The following PDE1A variants were observed in gnomAD, a reference collection of about 807,000 sequenced individuals.
PDE1A encodes phosphodiesterase 1A.
PDE1A carries 35 observed loss-of-function variants against 61.7 expected under a neutral mutation model. The observed-to-expected ratio is 0.57, with a 90% CI of 0.43 to 0.75. The LOEUF (loss-of-function observed/expected upper bound fraction) is 0.75. Ranked by LOEUF, PDE1A falls within the 30% of genes least tolerant of loss-of-function variation. The probability of loss-of-function intolerance (pLI) is 0.00; values close to 1 mark genes in which losing one functional copy is unlikely to be tolerated. For synonymous variants in PDE1A, 232 were observed against 213.2 expected (o/e 1.09, Z -0.77); for missense variants, 597 against 630.6 (o/e 0.95, Z 0.57).
chr2:182,214,540 C>T (rs370533219), intron 7 of PDE1A, among the ~76,000 whole-genome samples: 1 of 151,778 alleles, frequency 6.6e-6, no homozygotes, highest in Non-Finnish European at 1.5e-5. Flanking sequence ...CAGAGACACA[C>T]ATAGGCTCAA....
chr2:182,163,068 G>A (rs73040186), downstream of PDE1A, among the ~76,000 whole-genome samples: 1,137 of 152,244 alleles, frequency 7.5e-3, 13 homozygotes, highest in African/African-American at 0.025. Flanking sequence ...CAGAGGTGGT[G>A]ATTTTCACCA....
the PDE1A span, among the ~76,000 whole-genome samples, chr2:182,658,047 T>TAAAAAAAAAAAAAAAAA: frequency 1.4e-4 from 9 of 66,664 alleles, no homozygotes; most frequent in Admixed American, 3.9e-4. Flanking sequence ...AGCTTCTCAG[T>TAAAAAAAAAAAAAAAAA]AAAAAAAAAA....
intron 2 of PDE1A, among the ~76,000 whole-genome samples, chr2:182,445,226 A>C (rs1685056411): frequency 6.6e-6 from 1 of 152,144 alleles, no homozygotes; most frequent in Non-Finnish European, 1.5e-5. Context: ...TCCAAAAGAC[A>C]ATGAGGAATT....
At chr2:182,522,152 T>C (rs1290991711) in intron 2 of PDE1A, 2 of 749,184 alleles carry the variant, frequency 2.7e-6, no homozygotes, top group Non-Finnish European at 4.4e-6. Flanking sequence ...GGTAGGCACA[T>C]TTTATTTTTC....
At chr2:182,575,759 AATAAT>A in the PDE1A span, among the ~76,000 whole-genome samples, 1 of 146,430 alleles carries the variant, frequency 6.8e-6, no homozygotes, top group Non-Finnish European at 1.5e-5. Context: ...ATATAGTATT[AATAAT>A]ATATTATATA....
At chr2:182,658,484 T>G in the PDE1A span, among the ~76,000 whole-genome samples, 6 of 152,240 alleles carry the variant, frequency 3.9e-5, no homozygotes, top group African/African-American at 1.2e-4. Flanking sequence ...GTTTCAAAAC[T>G]AAGGTCACAT....
At chr2:182,582,801 C>A in the PDE1A span, among the ~76,000 whole-genome samples, 2 of 152,172 alleles carry the variant, frequency 1.3e-5, no homozygotes, top group Non-Finnish European at 1.5e-5. Context: ...TGGAAAAACA[C>A]TAGTGACCAT....
At chr2:182,564,014 C>T in the PDE1A span, among the ~76,000 whole-genome samples, 1 of 152,116 alleles carries the variant, frequency 6.6e-6, no homozygotes, top group South Asian at 2.1e-4. Context: ...ATCCAATTTG[C>T]CAGTCTGTGT....
chr2:182,575,662 C>G, the PDE1A span, among the ~76,000 whole-genome samples: 1 of 148,776 alleles, frequency 6.7e-6, no homozygotes, highest in Non-Finnish European at 1.5e-5. Context: ...GGTCTTAGTT[C>G]CAGGGGAGGA....
intron 1 of PDE1A, among the ~76,000 whole-genome samples, chr2:182,377,185 G>A (rs1014689934): frequency 6.6e-6 from 1 of 152,114 alleles, no homozygotes; most frequent in African/African-American, 2.4e-5. Context: ...GCTGGAAGTG[G>A]GGCCTAGTGA....
rs111782621 is a variant in PDE1A, at chr2:182,451,104, C to G, written c.101+71172G>C. 4.8e-5 allele frequency among the ~76,000 whole-genome samples: 4 copies of G among 83,610 alleles called. 1 individual carries two copies. Among genetic ancestry groups the G allele is most frequent in the African/African-American group, 1.7e-4 (4 of 23,626 alleles). 54.9% of individuals were successfully genotyped at this position (83,610 alleles called of 152,430 possible). A position where few individuals can be genotyped will look rare whatever the true frequency, so the allele number is the denominator to read the frequency against. On this transcript the variant is annotated intron_variant, in intron 2 of 14. Transcript: ENST00000410103. ...TAAAAATATTTTAACTAGGGCCGGG[C>G]GCGGTGGCTCACGCCTGTAATCCCA...
chr2:182,360,545 T>C (rs1699441669), intron 1 of PDE1A, among the ~76,000 whole-genome samples: 1 of 145,954 alleles, frequency 6.9e-6, no homozygotes. Flanking sequence ...TTTTTTTTTT[T>C]TCGTAACTTA....
At chr2:182,572,595 AAGAT>A in the PDE1A span, among the ~76,000 whole-genome samples, 6 of 152,198 alleles carry the variant, frequency 3.9e-5, no homozygotes, top group Non-Finnish European at 8.8e-5. Context: ...TTAAAAGTGA[AAGAT>A]AGGCCAGGCG....
At chr2:182,504,604 A>G (rs935158088) in intron 2 of PDE1A, among the ~76,000 whole-genome samples, 5 of 152,162 alleles carry the variant, frequency 3.3e-5, no homozygotes, top group Non-Finnish European at 7.4e-5. Flanking sequence ...TTCGGTTGTG[A>G]ATTTCATTTT....
chr2:182,340,432 A>G (rs745767924), intron 1 of PDE1A, among the ~76,000 whole-genome samples: 1 of 152,160 alleles, frequency 6.6e-6, no homozygotes, highest in African/African-American at 2.4e-5. Context: ...CTCCTTTCTC[A>G]TGTGGCATTA....
chr2:182,679,163 C>T, the PDE1A span, among the ~76,000 whole-genome samples: 3 of 149,126 alleles, frequency 2.0e-5, no homozygotes, highest in Non-Finnish European at 4.4e-5. Flanking sequence ...TGCCACCATG[C>T]CTGGAAATTA....
chr2:182,544,074 G>A, the PDE1A span, among the ~76,000 whole-genome samples: 7 of 152,074 alleles, frequency 4.6e-5, no homozygotes, highest in Admixed American at 3.9e-4. Flanking sequence ...AGTAATAAGC[G>A]GGAGAAAATA....
the PDE1A span, among the ~76,000 whole-genome samples, chr2:182,650,783 C>T: frequency 3.3e-5 from 5 of 152,160 alleles, no homozygotes; most frequent in Non-Finnish European, 7.3e-5. Flanking sequence ...CTTAAACCAT[C>T]CCAACTGAAA....
At chr2:182,253,456 A>G (rs1691551138) in intron 2 of PDE1A, among the ~76,000 whole-genome samples, 1 of 152,184 alleles carries the variant, frequency 6.6e-6, no homozygotes, top group South Asian at 2.1e-4. Flanking sequence ...AGATGGCTGT[A>G]TTCACTGTAA....
Sources: gnomAD v4.1 joint callset for allele counts (sites outside exome capture counted in the v4.1 genomes callset) on GRCh38, gnomAD v4.1.1 for gene constraint, MANE v1.5 for transcripts, NCBI Gene and HGNC (gene_info 2026-07-23, HGNC 2026-07-21) for gene names.